The following KIAA1217 variants were observed in gnomAD, a reference collection of about 807,000 sequenced individuals.
The protein encoded by KIAA1217 is KIAA1217.
In KIAA1217, 88 loss-of-function variants were observed where a neutral mutation model predicts 163.9. The ratio of observed to expected loss-of-function variants is 0.54; its 90% CI spans 0.45 to 0.64. KIAA1217 has a LOEUF of 0.64. Ranked by LOEUF, KIAA1217 falls within the 30% of genes least tolerant of loss-of-function variation. KIAA1217 has a pLI of 0.00. For synonymous variants in KIAA1217, 903 were observed against 923.1 expected (o/e 0.98, Z 0.39); for missense variants, 2,372 against 2,475.0 (o/e 0.96, Z 0.88).
chr10:23,975,439 TA>T (rs1363382615), intron 1 of KIAA1217, among the ~76,000 whole-genome samples: 2 of 152,180 alleles, frequency 1.3e-5, no homozygotes, highest in Non-Finnish European at 2.9e-5. Context: ...ACCTTCAAAC[TA>T]AATGAGAAAC....
chr10:24,184,628 G>A (rs2066335097), intron 2 of KIAA1217, among the ~76,000 whole-genome samples: 1 of 152,228 alleles, frequency 6.6e-6, no homozygotes, highest in African/African-American at 2.4e-5. Flanking sequence ...AACTCCCAAT[G>A]CACTGATTGC....
intron 2 of KIAA1217, among the ~76,000 whole-genome samples, chr10:24,104,884 A>G (rs1312143874): frequency 6.6e-6 from 1 of 152,248 alleles, no homozygotes; most frequent in African/African-American, 2.4e-5. Context: ...GATGTCTTCT[A>G]AAGTTGGCAA....
At chr10:24,388,283 T>G (rs540114484) in intron 3 of KIAA1217, among the ~76,000 whole-genome samples, 1 of 152,186 alleles carries the variant, frequency 6.6e-6, no homozygotes, top group African/African-American at 2.4e-5. Context: ...TTGACAAACC[T>G]GACAAAAACA....
intron 2 of KIAA1217, among the ~76,000 whole-genome samples, chr10:24,076,131 C>A (rs2061361284): frequency 6.6e-6 from 1 of 152,198 alleles, no homozygotes; most frequent in Admixed American, 6.5e-5. Flanking sequence ...CATTGAGACC[C>A]AAGGCAGATA....
At chr10:23,974,479 A>G (rs1295366940) in intron 1 of KIAA1217, among the ~76,000 whole-genome samples, 3 of 152,102 alleles carry the variant, frequency 2.0e-5, no homozygotes, top group East Asian at 3.9e-4. Flanking sequence ...GTTTATAAGG[A>G]TGAAGTAAGA....
chr10:24,033,897 A>G (rs984813260), intron 2 of KIAA1217, among the ~76,000 whole-genome samples: 2 of 152,224 alleles, frequency 1.3e-5, no homozygotes, highest in Admixed American at 6.5e-5. Flanking sequence ...CAGAGGCCAT[A>G]CAGTTCAAAA....
At chr10:24,185,640 C>T (rs1403086454) in intron 2 of KIAA1217, among the ~76,000 whole-genome samples, 1 of 151,990 alleles carries the variant, frequency 6.6e-6, no homozygotes, top group Non-Finnish European at 1.5e-5. Context: ...ACTAAAATTA[C>T]AAAAATTAGC....
intron 1 of KIAA1217, among the ~76,000 whole-genome samples, chr10:23,869,229 A>G (rs1359209871): frequency 6.7e-6 from 1 of 150,128 alleles, no homozygotes; most frequent in Non-Finnish European, 1.5e-5. Context: ...GCAGTATGGA[A>G]AATAGATGAC....
In KIAA1217 at chr10:23,958,437, A is replaced by T. The variant is rs540631821; in HGVS notation, c.-320-48788A>T. On this transcript the variant is annotated intron_variant, in intron 1 of 18. Transcript: ENST00000376462. Reference sequence around the variant, plus strand: ...TAGCAGTGCTTTATAGGTGGGTAAGAATGATCCAGATGAAAAATAGTGAAA... The same window carrying T: ...TAGCAGTGCTTTATAGGTGGGTAAGTATGATCCAGATGAAAAATAGTGAAA... Among the ~76,000 whole-genome samples the T allele has an allele frequency of 1.2e-4, 18 of 152,300 alleles. No individual in the cohort carries two copies. The South Asian group carries it at 3.7e-3, about 32-fold the overall frequency.
At chr10:24,148,346 A>T (rs567450181) in intron 2 of KIAA1217, among the ~76,000 whole-genome samples, 2 of 152,326 alleles carry the variant, frequency 1.3e-5, no homozygotes, top group East Asian at 1.9e-4. Flanking sequence ...GCTAAAAAAA[A>T]ACCTAAAGTT....
chr10:24,280,608 G>A (rs1435150181), intron 2 of KIAA1217, among the ~76,000 whole-genome samples: 1 of 151,710 alleles, frequency 6.6e-6, no homozygotes, highest in Non-Finnish European at 1.5e-5. Flanking sequence ...TCAGGAGATC[G>A]AGACCATCCT....
chr10:24,237,781 G>T (rs929347204), intron 2 of KIAA1217, among the ~76,000 whole-genome samples: 3 of 152,178 alleles, frequency 2.0e-5, no homozygotes, highest in African/African-American at 7.2e-5. Context: ...ATCTCACAGA[G>T]ACATTAATTG....
chr10:24,211,729 C>G (rs749666333), intron 1 of KIAA1217, among the ~76,000 whole-genome samples: 1 of 151,738 alleles, frequency 6.6e-6, no homozygotes, highest in African/African-American at 2.4e-5. Flanking sequence ...GCAGGGAGGC[C>G]TTTAGGAAGC....
intron 1 of KIAA1217, among the ~76,000 whole-genome samples, chr10:23,721,712 T>C (rs1433350302): frequency 2.0e-5 from 3 of 152,286 alleles, no homozygotes. Context: ...CATTTAGGAA[T>C]CATATTTTTT....
intron 10 of KIAA1217, among the ~76,000 whole-genome samples, chr10:24,517,476 C>T (rs1183483910): frequency 1.3e-5 from 2 of 152,116 alleles, no homozygotes; most frequent in Admixed American, 6.5e-5. Context: ...TATTATGCGT[C>T]GATTTTTAAA....
At chr10:24,107,944 T>C (rs571478855) in intron 2 of KIAA1217, among the ~76,000 whole-genome samples, 2 of 152,310 alleles carry the variant, frequency 1.3e-5, no homozygotes, top group African/African-American at 2.4e-5. Flanking sequence ...ATTAATGGTT[T>C]GATCACATTA....
intron 2 of KIAA1217, among the ~76,000 whole-genome samples, chr10:24,111,065 A>G (rs1418245025): frequency 6.6e-6 from 1 of 152,192 alleles, no homozygotes; most frequent in Non-Finnish European, 1.5e-5. Flanking sequence ...TGGTTTGTTT[A>G]TACCAGTAGT....
intron 1 of KIAA1217, among the ~76,000 whole-genome samples, chr10:23,923,775 G>A (rs538884283): frequency 6.6e-6 from 1 of 152,264 alleles, no homozygotes; most frequent in South Asian, 2.1e-4. Context: ...CTCCAGAACT[G>A]TAAGGGAACA....
chr10:24,270,425 A>G (rs1490230332), intron 2 of KIAA1217, among the ~76,000 whole-genome samples: 1 of 152,244 alleles, frequency 6.6e-6, no homozygotes, highest in Non-Finnish European at 1.5e-5. Context: ...ATTTATTTGC[A>G]CAAACTCCAC....
Sources: gnomAD v4.1 joint callset for allele counts (sites outside exome capture counted in the v4.1 genomes callset) on GRCh38, gnomAD v4.1.1 for gene constraint, MANE v1.5 for transcripts, NCBI Gene and HGNC (gene_info 2026-07-23, HGNC 2026-07-21) for gene names.